Variants in MADD observed in about 807,000 individuals in gnomAD.
MADD encodes MAP kinase-activating death domain protein.
In MADD, 109 loss-of-function variants were observed where a neutral mutation model predicts 176.7. The observed-to-expected ratio is 0.62, with a 90% confidence interval of 0.53 to 0.72. The LOEUF (loss-of-function observed/expected upper bound fraction) is 0.72. Among genes scored for constraint, MADD ranks in the 30% least tolerant of loss-of-function variants. The pLI, the probability that MADD is intolerant of heterozygous loss-of-function variation, is 0.00. For synonymous variants in MADD, 771 were observed against 771.3 expected, an observed-to-expected ratio of 1.00 and a Z score of 0.01; for missense variants, 1,914 against 2,045.5, an observed-to-expected ratio of 0.94 and a Z score of 1.24.
Position 47,319,319 on chromosome 11 carries a change from G to A in MADD, c.4197+3992G>A, listed in dbSNP as rs139626327. 1.7e-3 allele frequency among the ~76,000 whole-genome samples: 264 copies of A among 151,888 alleles called. 1 individual carries two copies. Among genetic ancestry groups the A allele is most frequent in the Non-Finnish European group, 3.1e-3 (212 of 67,968 alleles). Reference sequence around the variant, plus strand: ...GCTAATTTTTGGTATTTTTAGCAGAGATGGGGTTTTGCCATGTTGGCCAGG... The same window carrying A: ...GCTAATTTTTGGTATTTTTAGCAGAAATGGGGTTTTGCCATGTTGGCCAGG... On this transcript the variant is annotated intron_variant, in intron 27 of 32. Transcript: ENST00000402192.
chr11:47,306,857 T>C (rs1035517384), intron 22 of MADD, among the ~76,000 whole-genome samples: 4 of 152,170 alleles, frequency 2.6e-5, no homozygotes, highest in African/African-American at 9.6e-5. Context: ...TCCCCTAGGC[T>C]GTTTTTTTTT....
At chr11:47,282,308 G>A (rs1423893810) in intron 8 of MADD, 73 bp from the exon 9 acceptor site, 3 of 1,208,422 alleles carry the variant, frequency 2.5e-6, no homozygotes, top group Non-Finnish European at 2.4e-6. Flanking sequence ...GCTTTGGGAG[G>A]TGTTCTAAGA....
chr11:47,282,781 C>A, intron 9 of MADD, 32 bp from the exon 10 acceptor site: 1 of 1,604,220 alleles, frequency 6.2e-7, no homozygotes, highest in Non-Finnish European at 8.5e-7. Context: ...TTCCTTGCTG[C>A]TGACTTTCTG....
At chr11:47,317,437 G>C (rs2093390327) in intron 27 of MADD, among the ~76,000 whole-genome samples, 1 of 152,126 alleles carries the variant, frequency 6.6e-6, no homozygotes, top group Non-Finnish European at 1.5e-5. Context: ...CATTAATTTT[G>C]TTGAAGAAAT....
intron 12 of MADD, 135 bp downstream of exon 12, chr11:47,284,700 G>A: frequency 7.7e-7 from 1 of 1,292,806 alleles, no homozygotes; most frequent in Non-Finnish European, 1.0e-6. Context: ...GGGCCCTAGA[G>A]CTTAGAGCCT....
intron 27 of MADD, among the ~76,000 whole-genome samples, chr11:47,319,917 G>A (rs551146938): frequency 6.0e-5 from 9 of 149,796 alleles, no homozygotes; most frequent in South Asian, 2.1e-4. Context: ...GCTTGAACCC[G>A]GAGGCGGAGG....
At chr11:47,327,066 G>A (rs2095522850) in intron 31 of MADD, 19 of 1,216,262 alleles carry the variant, frequency 1.6e-5, no homozygotes, top group Non-Finnish European at 1.8e-5. Context: ...GCAGCTCAGT[G>A]AAGTAGCACC....
At chr11:47,309,383 C>T (rs767707979) in exon 24 of MADD, 1 of 1,614,108 alleles carries the variant, frequency 6.2e-7, no homozygotes, top group Admixed American at 1.7e-5. Context: ...GACCAGGGTC[C>T]CCAGGAAATG....
At chr11:47,311,137 A>G (rs545532450) in intron 25 of MADD, among the ~76,000 whole-genome samples, 34 of 152,280 alleles carry the variant, frequency 2.2e-4, no homozygotes, top group Admixed American at 1.4e-3. Context: ...GTAGAAGAGA[A>G]TTGTTTGGAG....
In MADD at chr11:47,307,499, A is replaced by C. The variant is rs1207681282; in HGVS notation, c.3643-1092A>C. Among the ~76,000 whole-genome samples, 3 of 152,184 alleles carry C rather than the reference A, an allele frequency of 2.0e-5. No individual in the cohort carries two copies. The East Asian group carries it at 5.8e-4, about 29-fold the overall frequency. ...AAAGTCACGTGATCCATTTAGTAAA[A>C]TATTGGGCTGTGAACCAGGAGACTG... On this transcript the variant is annotated intron_variant, in intron 22 of 32. Coordinates refer to ENST00000402192, the Ensembl canonical transcript of MADD.
At position 47,292,722 on chromosome 11, in the gene MADD, C is replaced by T. The variant is rs1592970237; in HGVS notation, c.3302-1161C>T. The T allele has an allele frequency of 5.9e-6, 5 of 846,974 alleles. No homozygotes were observed. The South Asian group carries it at 7.2e-5, about 12-fold the overall frequency. 52.5% of individuals were successfully genotyped at this position (846,974 alleles called of 1,614,324 possible). A position where few individuals can be genotyped will look rare whatever the true frequency, so the allele number is the denominator to read the frequency against. ...TGCTCTTAGAGCGTGTTTGGAATGG[C>T]AGCAGGTAGGTAGCATGTGACTCCT... On this transcript the variant is annotated intron_variant, in intron 19 of 32. Transcript: ENST00000402192.
At chr11:47,316,385 C>T (rs1024307591) in intron 27 of MADD, among the ~76,000 whole-genome samples, 33 of 130,184 alleles carry the variant, frequency 2.5e-4, no homozygotes, top group Non-Finnish European at 3.3e-4. Context: ...TTTTCTTTTT[C>T]TTTTTTTTTT....
At chr11:47,314,396 A>G (rs1045089778) in intron 26 of MADD, among the ~76,000 whole-genome samples, 24 of 152,262 alleles carry the variant, frequency 1.6e-4, no homozygotes, top group African/African-American at 4.8e-4. Context: ...TAATGTAACA[A>G]TGTAAAATGT....
chr11:47,290,745 G>C lies in MADD; in HGVS notation c.3230G>C (p.Ser1077Thr), dbSNP rs531080398. ...CCACAACTGGGACCTCGGGCACCAA[G>C]TGCCACAGGAAAGGGTCCTAAGGAA... The change falls in exon 19 of 33, where the codon AGT becomes ACT. Residue 1077 changes from serine to threonine, a missense_variant. Coordinates refer to ENST00000402192, the Ensembl canonical transcript of MADD. 97 of 1,614,130 alleles carry C rather than the reference G, an allele frequency of 6.0e-5. 1 individual carries two copies. In the South Asian group the frequency reaches 1.0e-3, roughly 17 times the overall value.
At chr11:47,329,852 G>A (rs568141118) in exon 33 of MADD, 2 of 152,732 alleles carry the variant, frequency 1.3e-5, no homozygotes, top group South Asian at 4.1e-4. Context: ...ATCAGGGAGG[G>A]GGCAGGAAAG....
exon 17 of MADD, chr11:47,289,912 C>G: frequency 6.2e-7 from 1 of 1,614,006 alleles, no homozygotes; most frequent in Admixed American, 1.7e-5. Flanking sequence ...GCGTGCTGGA[C>G]GGCCAGGGAG....
chr11:47,329,355 A>G (rs2095805700), exon 33 of MADD: 3 of 584,140 alleles, frequency 5.1e-6, no homozygotes, highest in Non-Finnish European at 9.2e-6. Flanking sequence ...CCACTCCCAG[A>G]AGACCAAACT....
At chr11:47,270,427 C>A (rs1959568741) in intron 1 of MADD, among the ~76,000 whole-genome samples, 181 bp downstream of exon 1, 1 of 150,138 alleles carries the variant, frequency 6.7e-6, no homozygotes, top group African/African-American at 2.5e-5. Flanking sequence ...GATGGGGGCG[C>A]CCCGGGCAGA....
At chr11:47,269,274 C>T (rs985248347), upstream of MADD, 1 of 152,842 alleles carries the variant, frequency 6.5e-6, no homozygotes, top group Non-Finnish European at 1.5e-5. Flanking sequence ...ACCCCCACTG[C>T]GCCATATGGG....
Sources: allele counts gnomAD v4.1 joint callset (sites outside exome capture counted in the v4.1 genomes callset), GRCh38; gene constraint gnomAD v4.1.1; transcripts MANE v1.5; gene names NCBI Gene and HGNC (gene_info 2026-07-23, HGNC 2026-07-21).